Variants in SSBP2 observed in about 807,000 individuals in gnomAD.
SSBP2 encodes single stranded DNA binding protein 2.
Under a neutral mutation model 61.8 loss-of-function variants are expected in SSBP2, and 17 were observed. The ratio of observed to expected loss-of-function variants is 0.28; its 90% CI spans 0.19 to 0.41. SSBP2 has a LOEUF of 0.41. Ranked by LOEUF, SSBP2 falls within the 10% of genes least tolerant of loss-of-function variation. The probability of loss-of-function intolerance (pLI) is 1.00; values close to 1 mark genes in which losing one functional copy is unlikely to be tolerated. For missense variants in SSBP2, 310 were observed against 458.7 expected (o/e 0.68, Z 2.96); for synonymous variants, 139 against 141.3 (o/e 0.98, Z 0.12).
chr5:81,708,673 A>C (rs199732102), intron 1 of SSBP2, among the ~76,000 whole-genome samples: 1 of 1,260 alleles, frequency 7.9e-4, no homozygotes, highest in Non-Finnish European at 1.1e-3. Flanking sequence ...ACTCTCCCTG[A>C]AAAATCCTTC....
At chr5:81,423,993 A>AC (rs1761785233) in intron 16 of SSBP2, among the ~76,000 whole-genome samples, 1 of 152,154 alleles carries the variant, frequency 6.6e-6, no homozygotes, top group Admixed American at 6.5e-5. Flanking sequence ...GAAAAATGAT[A>AC]CTTTGTTACT....
intron 1 of SSBP2, among the ~76,000 whole-genome samples, chr5:81,723,493 G>A (rs1755678335): frequency 6.6e-6 from 1 of 151,990 alleles, no homozygotes; most frequent in African/African-American, 2.4e-5. Flanking sequence ...AACACACAGA[G>A]TAAAAGTTTG....
At chr5:81,463,758 C>CTTT (rs938398439) in intron 9 of SSBP2, among the ~76,000 whole-genome samples, 18 of 96,278 alleles carry the variant, frequency 1.9e-4, no homozygotes, top group Admixed American at 3.4e-4. Context: ...GAAAAATCCT[C>CTTT]TTTTTTTTTT....
chr5:81,546,066 A>C (rs1358248886), intron 4 of SSBP2, among the ~76,000 whole-genome samples: 2 of 152,158 alleles, frequency 1.3e-5, no homozygotes, highest in Admixed American at 6.5e-5. Context: ...TTTAAGTACA[A>C]GCCTGGCTGA....
At chr5:81,740,621 G>A (rs1756952932) in intron 1 of SSBP2, among the ~76,000 whole-genome samples, 1 of 152,042 alleles carries the variant, frequency 6.6e-6, no homozygotes, top group South Asian at 2.1e-4. Flanking sequence ...CAACAAAAGA[G>A]ACTCATAATT....
intron 1 of SSBP2, among the ~76,000 whole-genome samples, chr5:81,744,991 G>T (rs1757260276): frequency 6.6e-6 from 1 of 151,804 alleles, no homozygotes; most frequent in Admixed American, 6.6e-5. Flanking sequence ...ATGAATTTTT[G>T]GTCCTATAAT....
chr5:81,434,339 A>G (rs1484552210), intron 15 of SSBP2, among the ~76,000 whole-genome samples: 1 of 152,132 alleles, frequency 6.6e-6, no homozygotes, highest in Non-Finnish European at 1.5e-5. Flanking sequence ...AGCTGTGGCT[A>G]GAGACCTAAG....
At chr5:81,469,017 T>C (rs1005170829) in intron 8 of SSBP2, among the ~76,000 whole-genome samples, 2 of 151,848 alleles carry the variant, frequency 1.3e-5, no homozygotes, top group Non-Finnish European at 2.9e-5. Context: ...ACAAGAAAAG[T>C]CTCCCCTCCT....
intron 4 of SSBP2, among the ~76,000 whole-genome samples, chr5:81,537,144 C>T (rs544117785): frequency 6.6e-6 from 1 of 152,238 alleles, no homozygotes; most frequent in East Asian, 1.9e-4. Flanking sequence ...ATATCCTTAA[C>T]GTGCTCTGAT....
intron 1 of SSBP2, among the ~76,000 whole-genome samples, chr5:81,692,620 T>C (rs188891756): frequency 2.1e-4 from 32 of 152,240 alleles, no homozygotes; most frequent in African/African-American, 7.0e-4. Context: ...TACACAGCTA[T>C]AGTAACCCAA....
chr5:81,743,926 A>G (rs985469968), intron 1 of SSBP2, among the ~76,000 whole-genome samples: 1 of 152,202 alleles, frequency 6.6e-6, no homozygotes, highest in Non-Finnish European at 1.5e-5. Flanking sequence ...GAACTCTTAC[A>G]CTACCACTTC....
chr5:81,536,851 C>T (rs1430649082), intron 4 of SSBP2, among the ~76,000 whole-genome samples: 2 of 152,034 alleles, frequency 1.3e-5, no homozygotes, highest in East Asian at 3.9e-4. Flanking sequence ...GAAACACCAT[C>T]TCTACTAAAA....
intron 1 of SSBP2, among the ~76,000 whole-genome samples, chr5:81,656,062 T>A (rs1353272573): frequency 3.9e-5 from 6 of 152,204 alleles, no homozygotes; most frequent in Non-Finnish European, 7.3e-5. Context: ...TAATTTTTTT[T>A]ATGAGACGGA....
chr5:81,664,448 T>C (rs183232736), intron 1 of SSBP2, among the ~76,000 whole-genome samples: 8 of 152,268 alleles, frequency 5.3e-5, no homozygotes, highest in African/African-American at 1.9e-4. Context: ...TTAATCTCTG[T>C]ATCTTCAGCT....
At chr5:81,639,164 T>A (rs1748540665) in intron 2 of SSBP2, among the ~76,000 whole-genome samples, 1 of 152,210 alleles carries the variant, frequency 6.6e-6, no homozygotes, top group Admixed American at 6.5e-5. Flanking sequence ...GTTGAGTTTT[T>A]AAATAAATTC....
At chr5:81,747,638 A>T (rs904107695) in intron 1 of SSBP2, among the ~76,000 whole-genome samples, 1 of 152,180 alleles carries the variant, frequency 6.6e-6, no homozygotes, top group African/African-American at 2.4e-5. Flanking sequence ...CATTGAAAAA[A>T]TTCCTTTGAG....
rs111885033 is a variant in SSBP2, at chr5:81,564,436, T to C, written c.283-50719A>G. Reference sequence around the variant, plus strand: ...TTCCAGTTTCAGTTCTGAGTACTTGTAATAAAATTCCTTTTTCTTAAAATG... The same window carrying C: ...TTCCAGTTTCAGTTCTGAGTACTTGCAATAAAATTCCTTTTTCTTAAAATG... On this transcript the variant is annotated intron_variant, in intron 4 of 16. Transcript: ENST00000320672. Among the ~76,000 whole-genome samples the C allele has an allele frequency of 6.7e-3, 1,027 of 152,364 alleles. 6 individuals are homozygous for C. The highest frequency in any genetic ancestry group is 0.011 in the Non-Finnish European group (775 of 68,036).
chr5:81,519,276 ACTTCT>A (rs1769274783), intron 4 of SSBP2, among the ~76,000 whole-genome samples: 1 of 152,106 alleles, frequency 6.6e-6, no homozygotes, highest in Non-Finnish European at 1.5e-5. Context: ...CATATTTTCT[ACTTCT>A]CTTTTCTTCA....
At chr5:81,441,649 G>A (rs1763045705) in intron 13 of SSBP2, among the ~76,000 whole-genome samples, 1 of 152,150 alleles carries the variant, frequency 6.6e-6, no homozygotes, top group African/African-American at 2.4e-5. Context: ...ACCTCTGTGT[G>A]TGAATAAGAT....
Sources: allele counts gnomAD v4.1 joint callset (sites outside exome capture counted in the v4.1 genomes callset), GRCh38; gene constraint gnomAD v4.1.1; transcripts MANE v1.5; gene names NCBI Gene and HGNC (gene_info 2026-07-23, HGNC 2026-07-21).